COLGALT1: variants seen among roughly 807,000 people sequenced by gnomAD.
COLGALT1 encodes the protein collagen beta(1-O)galactosyltransferase 1.
A neutral mutation model predicts 60.8 loss-of-function variants in COLGALT1; 43 were observed. The observed-to-expected ratio is 0.71, with a 90% CI of 0.55 to 0.91. The LOEUF (loss-of-function observed/expected upper bound fraction) is 0.91. Among genes scored for constraint, COLGALT1 ranks in the 40% least tolerant of loss-of-function variants. The pLI, the probability that COLGALT1 is intolerant of heterozygous loss-of-function variation, is 0.00. For synonymous variants in COLGALT1, 369 were observed against 374.2 expected (o/e 0.99, Z 0.16); for missense variants, 845 against 880.0 (o/e 0.96, Z 0.50).
intron 3 of COLGALT1, among the ~76,000 whole-genome samples, chr19:17,563,395 G>T (rs962243025): frequency 5.9e-5 from 9 of 151,626 alleles, no homozygotes; most frequent in Non-Finnish European, 8.8e-5. Context: ...TGTCGCCCAG[G>T]CTGGAGTGCA....
intron 3 of COLGALT1, among the ~76,000 whole-genome samples, chr19:17,567,140 C>T (rs1337119758): frequency 6.6e-6 from 1 of 152,156 alleles, no homozygotes; most frequent in Non-Finnish European, 1.5e-5. Flanking sequence ...TTGCTACCTT[C>T]TTGCTCATTG....
chr19:17,568,354 T>C (rs1159642365), intron 4 of COLGALT1, among the ~76,000 whole-genome samples, 155 bp from the exon 5 acceptor site: 1 of 152,122 alleles, frequency 6.6e-6, no homozygotes, highest in Non-Finnish European at 1.5e-5. Flanking sequence ...TGGCCACAGG[T>C]CCCACACTGG....
Position 17,582,046 on chromosome 19 carries a change from C to A in COLGALT1, c.*602C>A, listed in dbSNP as rs1189636072. 1 of 155,118 alleles carries A rather than the reference C, an allele frequency of 6.4e-6. No individual in the cohort carries two copies. Among genetic ancestry groups the A allele is most frequent in the Non-Finnish European group, 1.4e-5 (1 of 69,904 alleles). The allele number at this position is 155,118 out of a possible 1,614,324, so 9.6% of individuals were successfully genotyped here. ...TTCTCGGCCTCCCAAGTAGCTGGGACTATAGGTGCGTGCCATCACATCTGG... is the reference window on the plus strand; with the variant it reads ...TTCTCGGCCTCCCAAGTAGCTGGGAATATAGGTGCGTGCCATCACATCTGG... On this transcript the variant is annotated 3_prime_UTR_variant, in exon 12 of 12. Coordinates refer to ENST00000252599, the MANE Select transcript of COLGALT1 (RefSeq NM_024656.4).
chr19:17,559,257 G>C (rs1303894257), intron 1 of COLGALT1, 54 bp from the exon 2 acceptor site: 4 of 1,346,828 alleles, frequency 3.0e-6, no homozygotes, highest in Non-Finnish European at 4.2e-6. Flanking sequence ...CCTCACTGCT[G>C]CCTGGTCCTG....
intron 9 of COLGALT1, among the ~76,000 whole-genome samples, chr19:17,579,064 G>A (rs4808671): frequency 0.7 from 105,856 of 151,406 alleles, 37,230 homozygotes; most frequent in African/African-American, 0.76. Flanking sequence ...AATCCCAGCT[G>A]CTCAGGAGGC....
In COLGALT1 at chr19:17,569,443, G is replaced by GTT. The variant is rs368282718; in HGVS notation, c.829+741_829+742dup. ...TTCTATATTCTCCCAATTTTCTTTT[G>GTT]TTTTTTTTTTTTGAAGTAGAGTCTT... On this transcript the variant is annotated intron_variant, in intron 5 of 11. Transcript: ENST00000252599. Among the ~76,000 whole-genome samples, 1,049 of 143,462 alleles carry GTT rather than the reference G, an allele frequency of 7.3e-3. 6 individuals are homozygous for GTT. Among genetic ancestry groups the GTT allele is most frequent in the Non-Finnish European group, 0.012 (782 of 65,190 alleles). 94.1% of individuals were successfully genotyped at this position (143,462 alleles called of 152,430 possible).
chr19:17,557,881 C>T (rs8099954), intron 1 of COLGALT1, among the ~76,000 whole-genome samples: 2,800 of 152,190 alleles, frequency 0.018, 41 homozygotes, highest in Middle Eastern at 0.044. Context: ...GGATTACAGG[C>T]GTGAGCCATT....
In COLGALT1 at chr19:17,581,633, C is replaced by T; in HGVS notation, c.*189C>T. 1 of 737,746 alleles carries T rather than the reference C, an allele frequency of 1.4e-6. No individual in the cohort carries two copies. Among genetic ancestry groups the T allele is most frequent in the Non-Finnish European group, 2.2e-6 (1 of 463,510 alleles). The allele number at this position is 737,746 out of a possible 1,614,324, so 45.7% of individuals were successfully genotyped here. A position where few individuals can be genotyped will look rare whatever the true frequency, so the allele number is the denominator to read the frequency against. The stretch of plus-strand genomic sequence containing the variant: ...CATTAATGGAGTGCCTACTGCATGC[C>T]AGCAACAGGGCTTGGCCCTGGGGAA... On this transcript the variant is annotated 3_prime_UTR_variant, in exon 12 of 12. Transcript: ENST00000252599.
intron 9 of COLGALT1, 152 bp downstream of exon 9, chr19:17,578,241 G>A (rs760999295): frequency 1.3e-4 from 100 of 757,598 alleles, no homozygotes; most frequent in Non-Finnish European, 1.8e-4. Flanking sequence ...TGAATGATGC[G>A]CCACACCAGC....
chr19:17,570,780 G>C lies in COLGALT1; in HGVS notation c.830-1703G>C, dbSNP rs150177923. ...GGGGTTTTGCCTGTTGGCCAGGCTGGTCTCGAACTCCTGACCTCAGGTGAT... is the reference window on the plus strand; with the variant it reads ...GGGGTTTTGCCTGTTGGCCAGGCTGCTCTCGAACTCCTGACCTCAGGTGAT... On this transcript the variant is annotated intron_variant, in intron 5 of 11. Coordinates refer to ENST00000252599, the MANE Select transcript of COLGALT1 (RefSeq NM_024656.4). Among the ~76,000 whole-genome samples the C allele has an allele frequency of 8.3e-3, 1,268 of 151,924 alleles. 20 individuals carry two copies. The highest frequency in any genetic ancestry group is 0.029 in the African/African-American group (1,209 of 41,450).
At chr19:17,559,159 C>A (rs2076233282) in intron 1 of COLGALT1, 152 bp from the exon 2 acceptor site, 16 of 637,414 alleles carry the variant, frequency 2.5e-5, no homozygotes, top group Admixed American at 2.4e-4. Flanking sequence ...GACTCTGTCT[C>A]AAAAAAAAAC....
chr19:17,566,159 G>A (rs1250379369), intron 3 of COLGALT1: 1 of 152,068 alleles, frequency 6.6e-6, no homozygotes, highest in African/African-American at 2.4e-5. Context: ...GAAATCAAGA[G>A]TTCGAGACCA....
In COLGALT1 at chr19:17,581,435, T is replaced by C; in HGVS notation, c.1860T>C (p.Asp620=). 6.2e-7 allele frequency: 1 copy of C among 1,607,784 alleles called. No homozygotes were observed. The highest frequency in any genetic ancestry group is 8.5e-7 in the Non-Finnish European group (1 of 1,179,288). Residue 620 remains aspartate (D), a synonymous_variant, in exon 12 of 12, where the codon GAT becomes GAC. Coordinates refer to ENST00000252599, the MANE Select transcript of COLGALT1 (RefSeq NM_024656.4). ...LQSPLDSAAR[D]EL The stretch of plus-strand genomic sequence containing the variant: ...CCCCACTGGACAGTGCTGCCCGGGA[T>C]GAACTCTGAGGGGTAGCAGCCAGAA...
chr19:17,581,273 C>A lies in COLGALT1; in HGVS notation c.1698C>A (p.Gly566=), dbSNP rs1353917762. The change falls in exon 12 of 12, where the codon GGC becomes GGA. Residue 566 remains glycine, a synonymous_variant. Transcript: ENST00000252599. ...IYPTHYTGDD[G]YVSDTETSVV... ...CCACACACTACACAGGAGACGATGG[C>A]TATGTGAGTGACACCGAGACCTCAG... 11 of 1,612,344 alleles carry A rather than the reference C, an allele frequency of 6.8e-6. No homozygotes were observed. The highest frequency in any genetic ancestry group is 9.3e-6 in the Non-Finnish European group (11 of 1,179,978).
At chr19:17,567,592 G>C (rs768146882) in intron 4 of COLGALT1, 52 bp downstream of exon 4, 4 of 1,574,144 alleles carry the variant, frequency 2.5e-6, no homozygotes, top group Non-Finnish European at 2.6e-6. Context: ...GGGGGGTGCC[G>C]TGGCTAGAGT....
rs2076350155 is a variant in COLGALT1, at chr19:17,577,363, C to T, written c.1029C>T (p.Val343=). 6.2e-7 allele frequency: 1 copy of T among 1,601,984 alleles called. No homozygotes were observed. Among genetic ancestry groups the T allele is most frequent in the Non-Finnish European group, 8.5e-7 (1 of 1,175,764 alleles). ...GCTGGGGACTCTCCGGGCTGCAGGT[C>T]TTCATGATCAACCTGAGGCGGCGGC... ...KTPDKMGFDE[V]FMINLRRRQD... is the part of the protein sequence containing the mutation. The change falls in exon 8 of 12, where the codon GTC becomes GTT. Residue 343 remains valine (V), a splice_region_variant and synonymous_variant. Transcript: ENST00000252599.
Position 17,559,389 on chromosome 19 carries a change from T to C in COLGALT1, c.339T>C (p.His113=), listed in dbSNP as rs1352085944. 3.9e-6 allele frequency: 6 copies of C among 1,551,858 alleles called. No individual in the cohort carries two copies. Among genetic ancestry groups the C allele is most frequent in the Non-Finnish European group, 5.2e-6 (6 of 1,147,180 alleles). ...TGGTGGCCGTGAAGAGTTTGTACCATTCCGTGGAGTGGCGGCCAGCAGAGG... is the reference window on the plus strand; with the variant it reads ...TGGTGGCCGTGAAGAGTTTGTACCACTCCGTGGAGTGGCGGCCAGCAGAGG... ...EWLVAVKSLY[H]SVEWRPAEEP... is the part of the protein sequence containing the mutation. The change falls in exon 2 of 12, where the codon CAT becomes CAC. Residue 113 remains histidine (H), a synonymous_variant. Coordinates refer to ENST00000252599, the MANE Select transcript of COLGALT1 (RefSeq NM_024656.4).
chr19:17,573,302 C>T (rs928768260), intron 6 of COLGALT1, among the ~76,000 whole-genome samples: 5 of 151,894 alleles, frequency 3.3e-5, no homozygotes, highest in African/African-American at 7.3e-5. Context: ...ACGAGACGGG[C>T]GGATCACAAG....
intron 3 of COLGALT1, among the ~76,000 whole-genome samples, chr19:17,563,381 A>G (rs1599780408): frequency 6.8e-6 from 1 of 148,006 alleles, no homozygotes; most frequent in African/African-American, 2.5e-5. Flanking sequence ...ACGGAGTCTC[A>G]CTCTGTCGCC....
Sources: allele counts gnomAD v4.1 joint callset (sites outside exome capture counted in the v4.1 genomes callset), GRCh38; gene constraint gnomAD v4.1.1; transcripts MANE v1.5; gene names NCBI Gene and HGNC (gene_info 2026-07-23, HGNC 2026-07-21).